MYO5B: variants seen among roughly 807,000 people sequenced by gnomAD.
MYO5B encodes the protein myosin VB.
MYO5B carries 143 observed loss-of-function variants against 229.3 expected under a neutral mutation model. The observed-to-expected ratio is 0.62, with a 90% CI of 0.54 to 0.72. The LOEUF (loss-of-function observed/expected upper bound fraction) is 0.72, where lower values mean the gene tolerates loss of function less well. Ranked by LOEUF, MYO5B falls within the 30% of genes least tolerant of loss-of-function variation. The pLI, the probability that MYO5B is intolerant of heterozygous loss-of-function variation, is 0.00. For missense variants in MYO5B, 2,321 were observed against 2,331.0 expected, an observed-to-expected ratio of 1.00 and a Z score of 0.09; for synonymous variants, 918 against 885.2, an observed-to-expected ratio of 1.04 and a Z score of -0.66.
At chr18:49,830,829 CAAAAAAAAAAAAA>C (rs59785909) in intron 39 of MYO5B, among the ~76,000 whole-genome samples, 2 of 72,948 alleles carry the variant, frequency 2.7e-5, no homozygotes, top group Admixed American at 1.4e-4. Flanking sequence ...GACTCTGTCT[CAAAAAAAAAAAAA>C]AAAAAAAAAA....
chr18:50,031,875 G>A (rs2026393326), intron 4 of MYO5B, among the ~76,000 whole-genome samples: 1 of 152,164 alleles, frequency 6.6e-6, no homozygotes, highest in Non-Finnish European at 1.5e-5. Flanking sequence ...AATATGATTT[G>A]CAAACCCAGC....
chr18:49,871,242 CAG>C (rs1243748663), intron 27 of MYO5B, among the ~76,000 whole-genome samples: 1 of 152,146 alleles, frequency 6.6e-6, no homozygotes, highest in African/African-American at 2.4e-5. Flanking sequence ...TGCAGAAAGA[CAG>C]AAAGTACAAT....
intron 1 of MYO5B, among the ~76,000 whole-genome samples, chr18:50,103,357 G>C (rs74808128): frequency 0.012 from 1,817 of 152,314 alleles, 30 homozygotes; most frequent in African/African-American, 0.041. Context: ...GACCCTCCCT[G>C]GAAGTTAGAA....
intron 17 of MYO5B, among the ~76,000 whole-genome samples, chr18:49,925,679 G>GGAGT (rs887602545): frequency 2.6e-5 from 4 of 152,248 alleles, no homozygotes; most frequent in African/African-American, 9.6e-5. Flanking sequence ...GCCAGAAGCA[G>GGAGT]GAGTGCAGCC....
At chr18:49,988,841 T>G (rs1244218751) in intron 7 of MYO5B, among the ~76,000 whole-genome samples, 1 of 152,180 alleles carries the variant, frequency 6.6e-6, no homozygotes, top group Non-Finnish European at 1.5e-5. Flanking sequence ...CAGCCCCTGT[T>G]CTGCTTAGCA....
intron 1 of MYO5B, among the ~76,000 whole-genome samples, chr18:50,135,994 G>A (rs1281233176): frequency 6.6e-6 from 1 of 152,230 alleles, no homozygotes; most frequent in East Asian, 1.9e-4. Flanking sequence ...GACAGGTGAG[G>A]AATCAAGAGG....
At chr18:50,184,840 A>ACCT in intron 1 of MYO5B, among the ~76,000 whole-genome samples, 1 of 150,978 alleles carries the variant, frequency 6.6e-6, no homozygotes, top group Admixed American at 6.6e-5. Context: ...GGAGTTCAAG[A>ACCT]CCAGCATGAG....
At chr18:50,032,718 G>A (rs1031681007) in intron 4 of MYO5B, among the ~76,000 whole-genome samples, 1 of 152,212 alleles carries the variant, frequency 6.6e-6, no homozygotes, top group Non-Finnish European at 1.5e-5. Context: ...GGGCATGGAG[G>A]CTCATGCCTA....
At chr18:49,944,814 G>A (rs1353482798) in intron 14 of MYO5B, among the ~76,000 whole-genome samples, 1 of 151,728 alleles carries the variant, frequency 6.6e-6, no homozygotes, top group Admixed American at 6.6e-5. Context: ...CTTTACCATC[G>A]ATCACCTCGA....
intron 2 of MYO5B, among the ~76,000 whole-genome samples, chr18:50,052,511 C>T (rs2030422061): frequency 7.4e-6 from 1 of 135,598 alleles, no homozygotes; most frequent in Non-Finnish European, 1.5e-5. Context: ...ACAATGAGAA[C>T]ACATGGACAC....
intron 38 of MYO5B, among the ~76,000 whole-genome samples, chr18:49,836,007 T>C (rs1406845022): frequency 6.6e-6 from 1 of 152,208 alleles, no homozygotes; most frequent in Admixed American, 6.5e-5. Context: ...TCTGGAAATG[T>C]TTACAGAAGG....
intron 39 of MYO5B, among the ~76,000 whole-genome samples, chr18:49,830,483 A>G (rs886971971): frequency 5.3e-5 from 8 of 152,140 alleles, no homozygotes; most frequent in Non-Finnish European, 1.2e-4. Flanking sequence ...CGTTTTTTGC[A>G]GAAATCTAAA....
At chr18:49,854,397 T>C (rs1177525242) in intron 30 of MYO5B, among the ~76,000 whole-genome samples, 1 of 152,202 alleles carries the variant, frequency 6.6e-6, no homozygotes, top group Admixed American at 6.5e-5. Context: ...AGGTGCCAGT[T>C]ACCTGGGCAA....
intron 17 of MYO5B, among the ~76,000 whole-genome samples, chr18:49,923,233 C>G (rs2025094190): frequency 6.6e-6 from 1 of 152,338 alleles, no homozygotes; most frequent in South Asian, 2.1e-4. Flanking sequence ...TCCTCCTGCA[C>G]TTGCACTACA....
intron 1 of MYO5B, among the ~76,000 whole-genome samples, chr18:50,120,266 G>A (rs1170525125): frequency 6.6e-6 from 1 of 152,198 alleles, no homozygotes; most frequent in Non-Finnish European, 1.5e-5. Context: ...GTGTAAATGT[G>A]GAAGACTCAA....
chr18:49,846,153 G>C lies in MYO5B; in HGVS notation c.4459+993C>G, dbSNP rs916786797. Among the ~76,000 whole-genome samples, 3 of 152,198 alleles carry C rather than the reference G, an allele frequency of 2.0e-5. No individual in the cohort carries two copies. The East Asian group carries it at 5.8e-4, about 29-fold the overall frequency. ...GGATAAGAAACTGCAGATGATCGCAGGGACAGTAAAAGCCAACCCTGATGA... is the reference window on the plus strand; with the variant it reads ...GGATAAGAAACTGCAGATGATCGCACGGACAGTAAAAGCCAACCCTGATGA... On this transcript the variant is annotated intron_variant, in intron 33 of 39. Transcript: ENST00000285039.
chr18:50,085,388 C>A (rs375546291), intron 1 of MYO5B, among the ~76,000 whole-genome samples: 1 of 151,776 alleles, frequency 6.6e-6, no homozygotes. Flanking sequence ...CCAGTTAGAA[C>A]GGCGAACATT....
chr18:49,851,009 T>A (rs1196243797), intron 31 of MYO5B: 4 of 152,248 alleles, frequency 2.6e-5, no homozygotes, highest in Non-Finnish European at 4.4e-5. Context: ...AGCTCCTCTG[T>A]ACAATATTAT....
chr18:50,166,941 A>T (rs1249700836), intron 1 of MYO5B, among the ~76,000 whole-genome samples: 1 of 152,240 alleles, frequency 6.6e-6, no homozygotes, highest in Non-Finnish European at 1.5e-5. Flanking sequence ...AAGAACTGCC[A>T]ATCTTGAATG....
Sources: gnomAD v4.1 joint callset for allele counts (sites outside exome capture counted in the v4.1 genomes callset) on GRCh38, gnomAD v4.1.1 for gene constraint, MANE v1.5 for transcripts, NCBI Gene and HGNC (gene_info 2026-07-23, HGNC 2026-07-21) for gene names.